Variants in KHDRBS3 observed in about 807,000 individuals in gnomAD.
KHDRBS3 encodes KH domain-containing, RNA-binding, signal transduction-associated protein 3.
In KHDRBS3, 23 loss-of-function variants were observed where a neutral mutation model predicts 45.6. That is an observed-to-expected ratio of 0.50 (90% CI 0.36 to 0.72). The LOEUF (loss-of-function observed/expected upper bound fraction) is 0.72. KHDRBS3 is among the 30% of genes least tolerant of loss of function. The pLI, the probability that KHDRBS3 is intolerant of heterozygous loss-of-function variation, is 0.00. For synonymous variants in KHDRBS3, 162 were observed against 156.5 expected, an observed-to-expected ratio of 1.04 and a Z score of -0.26; for missense variants, 352 against 424.8, an observed-to-expected ratio of 0.83 and a Z score of 1.51.
At chr8:135,515,245 G>C (rs949981604) in intron 1 of KHDRBS3, among the ~76,000 whole-genome samples, 1 of 151,398 alleles carries the variant, frequency 6.6e-6, no homozygotes, top group Non-Finnish European at 1.5e-5. Flanking sequence ...GGGCGCCTGT[G>C]GTCCCAGCTA....
At chr8:135,608,323 TATTTC>T (rs1829558976) in intron 7 of KHDRBS3, among the ~76,000 whole-genome samples, 1 of 152,192 alleles carries the variant, frequency 6.6e-6, no homozygotes, top group South Asian at 2.1e-4. Context: ...TATCCACAAA[TATTTC>T]AGTATGTAGT....
chr8:135,497,391 C>T (rs1046276711), intron 1 of KHDRBS3, among the ~76,000 whole-genome samples: 1 of 152,152 alleles, frequency 6.6e-6, no homozygotes, highest in African/African-American at 2.4e-5. Context: ...GCTTGCATGT[C>T]TTTTCTGCCT....
chr8:135,474,810 T>C (rs571071433), intron 1 of KHDRBS3, among the ~76,000 whole-genome samples: 1 of 152,362 alleles, frequency 6.6e-6, no homozygotes, highest in South Asian at 2.1e-4. Context: ...TTGGTGGCTT[T>C]ATGACCATGG....
At chr8:135,551,431 G>C (rs1279340404) in intron 4 of KHDRBS3, among the ~76,000 whole-genome samples, 1 of 152,006 alleles carries the variant, frequency 6.6e-6, no homozygotes, top group Non-Finnish European at 1.5e-5. Flanking sequence ...TATTTCTAAA[G>C]GATGAGAGTT....
intron 7 of KHDRBS3, among the ~76,000 whole-genome samples, chr8:135,620,064 CA>C (rs1416027272): frequency 6.7e-6 from 1 of 149,578 alleles, no homozygotes; most frequent in Non-Finnish European, 1.5e-5. Flanking sequence ...ATCACTTTAG[CA>C]AGGCCTTTTT....
intron 2 of KHDRBS3, among the ~76,000 whole-genome samples, chr8:135,534,298 A>C (rs1825627253): frequency 6.6e-6 from 1 of 151,960 alleles, no homozygotes; most frequent in Non-Finnish European, 1.5e-5. Context: ...GACCCCATAT[A>C]CCAAAAATGT....
intron 8 of KHDRBS3, among the ~76,000 whole-genome samples, chr8:135,646,600 GGAA>G (rs1201767204): frequency 6.6e-6 from 1 of 151,964 alleles, no homozygotes; most frequent in Non-Finnish European, 1.5e-5. Flanking sequence ...TTTTGCTGTT[GGAA>G]GACATCTAAG....
chr8:135,539,188 G>A (rs1825925950), intron 2 of KHDRBS3: 1 of 152,204 alleles, frequency 6.6e-6, no homozygotes, highest in Non-Finnish European at 1.5e-5. Context: ...AGTGACCCTA[G>A]TCATTGTGAC....
At chr8:135,581,285 T>A (rs1033104590) in intron 5 of KHDRBS3, among the ~76,000 whole-genome samples, 3 of 152,256 alleles carry the variant, frequency 2.0e-5, no homozygotes, top group Non-Finnish European at 2.9e-5. Context: ...TGAAGTCTTA[T>A]GATTTACATT....
chr8:135,552,907 G>C (rs141684301), intron 4 of KHDRBS3, among the ~76,000 whole-genome samples: 1 of 152,130 alleles, frequency 6.6e-6, no homozygotes, highest in Non-Finnish European at 1.5e-5. Flanking sequence ...GTACATAGGG[G>C]AGTGGATCCA....
chr8:135,561,933 G>A (rs1254976509), intron 5 of KHDRBS3, among the ~76,000 whole-genome samples: 1 of 152,084 alleles, frequency 6.6e-6, no homozygotes, highest in Non-Finnish European at 1.5e-5. Context: ...CAGATTCACA[G>A]TGTTTGTGTT....
At chr8:135,534,672 A>AT (rs1285707176) in intron 2 of KHDRBS3, among the ~76,000 whole-genome samples, 1 of 152,122 alleles carries the variant, frequency 6.6e-6, no homozygotes, top group Non-Finnish European at 1.5e-5. Flanking sequence ...TGTAGTGTAT[A>AT]TATTGTGCTC....
chr8:135,573,707 TG>T (rs1827816540), intron 5 of KHDRBS3, among the ~76,000 whole-genome samples: 1 of 124,774 alleles, frequency 8.0e-6, no homozygotes, highest in Non-Finnish European at 1.6e-5. Context: ...TCTGAGTGAC[TG>T]TTTTTTTGTT....
intron 2 of KHDRBS3, among the ~76,000 whole-genome samples, chr8:135,534,696 A>G (rs1825645529): frequency 6.6e-6 from 1 of 152,132 alleles, no homozygotes; most frequent in Non-Finnish European, 1.5e-5. Flanking sequence ...CCCCATGACC[A>G]TACATGCAAG....
At chr8:135,621,270 T>C (rs187405445) in intron 7 of KHDRBS3, among the ~76,000 whole-genome samples, 5 of 152,326 alleles carry the variant, frequency 3.3e-5, no homozygotes, top group African/African-American at 1.2e-4. Context: ...AGAACTGCTC[T>C]TCTTGAGTAA....
chr8:135,471,640 G>A (rs1249399480), intron 1 of KHDRBS3, among the ~76,000 whole-genome samples: 1 of 152,170 alleles, frequency 6.6e-6, no homozygotes, highest in African/African-American at 2.4e-5. Flanking sequence ...ACTTGTGTGT[G>A]ACTCCTCACA....
chr8:135,530,035 G>A (rs1455436846), intron 2 of KHDRBS3, among the ~76,000 whole-genome samples: 1 of 150,166 alleles, frequency 6.7e-6, no homozygotes, highest in Non-Finnish European at 1.5e-5. Flanking sequence ...CTGAGCCTGG[G>A]GGCACAAAGT....
chr8:135,557,093 A>G (rs1395495311), intron 4 of KHDRBS3, among the ~76,000 whole-genome samples: 1 of 152,204 alleles, frequency 6.6e-6, no homozygotes, highest in Non-Finnish European at 1.5e-5. Context: ...TACTTGGTTC[A>G]TTATAGATAA....
chr8:135,632,437 C>G (rs1156801997), intron 7 of KHDRBS3, among the ~76,000 whole-genome samples: 1 of 152,052 alleles, frequency 6.6e-6, no homozygotes, highest in Non-Finnish European at 1.5e-5. Flanking sequence ...TCTCAGTGGT[C>G]TCACTGTCTC....
Sources: allele counts gnomAD v4.1 joint callset (sites outside exome capture counted in the v4.1 genomes callset), GRCh38; gene constraint gnomAD v4.1.1; transcripts MANE v1.5; gene names NCBI Gene and HGNC (gene_info 2026-07-23, HGNC 2026-07-21).